COL22A1: variants seen among roughly 807,000 people sequenced by gnomAD.
COL22A1 encodes the protein collagen alpha-1(XXII) chain.
Under a neutral mutation model 248.9 loss-of-function variants are expected in COL22A1, and 221 were observed. The ratio of observed to expected loss-of-function variants is 0.89; its 90% CI spans 0.80 to 0.99. COL22A1 has a LOEUF of 0.99. COL22A1 is among the 50% of genes least tolerant of loss of function. The pLI is 0.00. For missense variants in COL22A1, 2,240 were observed against 2,179.0 expected (o/e 1.03, Z -0.56); for synonymous variants, 891 against 793.4 (o/e 1.12, Z -2.07).
intron 7 of COL22A1, among the ~76,000 whole-genome samples, chr8:138,817,385 C>T (rs893520210): frequency 2.0e-5 from 3 of 152,242 alleles, no homozygotes; most frequent in African/African-American, 4.8e-5. Context: ...CAGTCCTTGG[C>T]GGAGGGCTGC....
chr8:138,801,254 T>C (rs1361965000), intron 11 of COL22A1, among the ~76,000 whole-genome samples: 2 of 152,160 alleles, frequency 1.3e-5, no homozygotes, highest in Non-Finnish European at 2.9e-5. Flanking sequence ...CCTCTATGAC[T>C]GAGGGCAAGT....
At chr8:138,787,333 A>G (rs1428414608) in intron 12 of COL22A1, among the ~76,000 whole-genome samples, 1 of 152,208 alleles carries the variant, frequency 6.6e-6, no homozygotes, top group African/African-American at 2.4e-5. Context: ...AGGGAAAAAA[A>G]GCCTAGGCTG....
intron 24 of COL22A1, among the ~76,000 whole-genome samples, 191 bp from the exon 25 acceptor site, chr8:138,724,859 T>C (rs1205903613): frequency 2.6e-5 from 4 of 152,216 alleles, no homozygotes; most frequent in African/African-American, 9.6e-5. Context: ...CCGTGGCTTG[T>C]GCGGCCTGCA....
At chr8:138,817,232 A>C (rs774473936) in intron 7 of COL22A1, among the ~76,000 whole-genome samples, 3 of 152,202 alleles carry the variant, frequency 2.0e-5, no homozygotes, top group African/African-American at 7.2e-5. Flanking sequence ...TAGCCTGTAA[A>C]GGGCTGTTAT....
chr8:138,876,578 G>C (rs1350441857), intron 3 of COL22A1, among the ~76,000 whole-genome samples: 1 of 152,162 alleles, frequency 6.6e-6, no homozygotes, highest in Non-Finnish European at 1.5e-5. Context: ...CAGAGAAAAG[G>C]GTCATACTGT....
chr8:138,893,186 C>T (rs1442094053), intron 1 of COL22A1, among the ~76,000 whole-genome samples: 1 of 152,250 alleles, frequency 6.6e-6, no homozygotes, highest in East Asian at 1.9e-4. Flanking sequence ...AAGTCCTCTT[C>T]AGTCAACAAA....
chr8:138,857,331 AG>A (rs1390685160), intron 3 of COL22A1, among the ~76,000 whole-genome samples: 1 of 152,250 alleles, frequency 6.6e-6, no homozygotes, highest in Non-Finnish European at 1.5e-5. Flanking sequence ...GATGGACATG[AG>A]GATGGGTCAG....
At chr8:138,883,899 A>T (rs1230743941) in intron 1 of COL22A1, among the ~76,000 whole-genome samples, 1 of 151,872 alleles carries the variant, frequency 6.6e-6, no homozygotes, top group East Asian at 1.9e-4. Context: ...ACCACCTAAA[A>T]TCGTTCAGTG....
chr8:138,596,394 C>G (rs553081917), intron 62 of COL22A1, among the ~76,000 whole-genome samples: 4 of 152,318 alleles, frequency 2.6e-5, no homozygotes, highest in African/African-American at 9.6e-5. Context: ...ATGGCCCCTC[C>G]TCCAGGAAGC....
At chr8:138,671,823 A>C (rs138613659) in intron 41 of COL22A1, among the ~76,000 whole-genome samples, 2 of 152,316 alleles carry the variant, frequency 1.3e-5, no homozygotes, top group Non-Finnish European at 2.9e-5. Context: ...GTATTGATAA[A>C]TACTGTACAG....
intron 60 of COL22A1, among the ~76,000 whole-genome samples, chr8:138,599,575 A>T (rs139650806): frequency 6.6e-6 from 1 of 152,158 alleles, no homozygotes; most frequent in East Asian, 1.9e-4. Context: ...TTTTAAAAAA[A>T]CTAGCCAGGT....
chr8:138,883,584 A>G (rs1180666642), intron 1 of COL22A1, among the ~76,000 whole-genome samples: 1 of 152,130 alleles, frequency 6.6e-6, no homozygotes, highest in East Asian at 1.9e-4. Context: ...TGGAATCCCC[A>G]CGTGTCGAGG....
chr8:138,676,645 G>C lies in COL22A1; in HGVS notation c.3073-10C>G, dbSNP rs199687833. The C allele has an allele frequency of 8.6e-5, 133 of 1,553,344 alleles. No individual in the cohort carries two copies. The East Asian group carries it at 2.2e-3, about 26-fold the overall frequency. On this transcript the variant is annotated splice_polypyrimidine_tract_variant and intron_variant, in intron 40 of 64. Transcript: ENST00000303045. ...GAGCTCCTCGATCCCCCTAGAAAGA[G>C]AGAAAAATAAGATCAAGGAGGTCAG...
At chr8:138,693,197 A>T (rs569262196) in intron 35 of COL22A1, among the ~76,000 whole-genome samples, 3 of 151,908 alleles carry the variant, frequency 2.0e-5, no homozygotes, top group Non-Finnish European at 4.4e-5. Context: ...GCAGCTGAGG[A>T]GTGTGCATAG....
intron 1 of COL22A1, among the ~76,000 whole-genome samples, chr8:138,894,110 G>A (rs900571146): frequency 6.6e-6 from 1 of 152,204 alleles, no homozygotes; most frequent in African/African-American, 2.4e-5. Flanking sequence ...GCAGAAGGTA[G>A]GAATTCATGG....
intron 21 of COL22A1, among the ~76,000 whole-genome samples, chr8:138,753,850 C>T (rs1046897914): frequency 2.6e-5 from 4 of 152,202 alleles, no homozygotes; most frequent in Non-Finnish European, 5.9e-5. Context: ...AAGTTTGCCT[C>T]ATGATTAAGC....
chr8:138,790,064 G>C (rs1463008133), intron 12 of COL22A1, among the ~76,000 whole-genome samples: 1 of 152,164 alleles, frequency 6.6e-6, no homozygotes, highest in African/African-American at 2.4e-5. Flanking sequence ...ATATCTCATA[G>C]TAGCAGAAAC....
chr8:138,681,274 T>C (rs1323134012), intron 39 of COL22A1, among the ~76,000 whole-genome samples: 3 of 152,172 alleles, frequency 2.0e-5, no homozygotes, highest in African/African-American at 7.2e-5. Context: ...ACTTGTATGA[T>C]AACATTTATT....
chr8:138,858,685 C>T (rs1011356649), intron 3 of COL22A1, among the ~76,000 whole-genome samples: 3 of 152,178 alleles, frequency 2.0e-5, no homozygotes, highest in African/African-American at 7.2e-5. Context: ...GGGTCTTTAT[C>T]GCTCAGTGCT....
Sources: gnomAD v4.1 joint callset for allele counts (sites outside exome capture counted in the v4.1 genomes callset) on GRCh38, gnomAD v4.1.1 for gene constraint, MANE v1.5 for transcripts, NCBI Gene and HGNC (gene_info 2026-07-23, HGNC 2026-07-21) for gene names.